The following KAZN variants were observed in gnomAD, a reference collection of about 807,000 sequenced individuals.
The protein encoded by KAZN is kazrin.
Under a neutral mutation model 87.4 loss-of-function variants are expected in KAZN, and 40 were observed. The ratio of observed to expected loss-of-function variants is 0.46; its 90% CI spans 0.36 to 0.60. The LOEUF is 0.60. Among genes scored for constraint, KAZN ranks in the 20% least tolerant of loss-of-function variants. The pLI is 0.00. For synonymous variants in KAZN, 466 were observed against 458.3 expected (o/e 1.02, Z -0.22); for missense variants, 898 against 1,073.9 (o/e 0.84, Z 2.29).
At chr1:14,979,109 G>A (rs906771573) in intron 2 of KAZN, among the ~76,000 whole-genome samples, 6 of 151,742 alleles carry the variant, frequency 4.0e-5, no homozygotes, top group South Asian at 2.1e-4. Flanking sequence ...TCACCATGTC[G>A]GCCAGGCTGG....
In KAZN at chr1:14,691,946, G is replaced by A. The variant is rs545430947; in HGVS notation, c.226+92723G>A. 9.8e-5 allele frequency among the ~76,000 whole-genome samples: 14 copies of A among 142,974 alleles called. No individual in the cohort carries two copies. In the South Asian group the frequency reaches 1.3e-3, roughly 13 times the overall value. The allele number at this position is 142,974 out of a possible 152,430, so 93.8% of individuals were successfully genotyped here. A position where few individuals can be genotyped will look rare whatever the true frequency, so the allele number is the denominator to read the frequency against. On this transcript the variant is annotated intron_variant, in intron 1 of 14. Coordinates refer to ENST00000376030, the MANE Select transcript of KAZN (RefSeq NM_201628.3). The stretch of plus-strand genomic sequence containing the variant: ...TTTCTTCCTTTTTTTTTTTTTTTAC[G>A]ATGAATTCATTTATTTTATGTATTA...
intron 1 of KAZN, among the ~76,000 whole-genome samples, chr1:14,063,623 A>C (rs775800076): frequency 2.0e-5 from 3 of 152,148 alleles, no homozygotes; most frequent in Non-Finnish European, 4.4e-5. Context: ...TTAAAAGTAC[A>C]TTACGGTGGG....
intron 1 of KAZN, among the ~76,000 whole-genome samples, chr1:13,982,427 G>T (rs956090651): frequency 1.3e-5 from 2 of 152,214 alleles, no homozygotes; most frequent in South Asian, 4.1e-4. Flanking sequence ...TGAAGCTGCC[G>T]ACTTTCGCGC....
intron 2 of KAZN, among the ~76,000 whole-genome samples, chr1:14,538,904 C>T (rs1410494153): frequency 6.6e-6 from 1 of 152,184 alleles, no homozygotes; most frequent in Non-Finnish European, 1.5e-5. Context: ...GGAATGGGGT[C>T]CTGGGTGCCC....
At chr1:14,391,074 T>G (rs1662377257) in intron 2 of KAZN, among the ~76,000 whole-genome samples, 3 of 152,184 alleles carry the variant, frequency 2.0e-5, no homozygotes, top group Admixed American at 2.0e-4. Context: ...CTGGCTGATG[T>G]GATGAACATC....
At chr1:13,948,460 T>C (rs995780087) in intron 1 of KAZN, among the ~76,000 whole-genome samples, 3 of 152,212 alleles carry the variant, frequency 2.0e-5, no homozygotes, top group African/African-American at 7.2e-5. Context: ...GATTGTCAGT[T>C]TCCTGAGGCC....
chr1:14,534,141 T>C (rs892623093), intron 2 of KAZN, among the ~76,000 whole-genome samples: 1 of 152,118 alleles, frequency 6.6e-6, no homozygotes, highest in Admixed American at 6.5e-5. Flanking sequence ...CACTCTCCCA[T>C]CCTGAATCTG....
At chr1:14,936,832 A>G (rs1309223348) in intron 1 of KAZN, among the ~76,000 whole-genome samples, 3 of 152,234 alleles carry the variant, frequency 2.0e-5, no homozygotes, top group Non-Finnish European at 4.4e-5. Context: ...GTTCATCCAC[A>G]TGGCGGGCAT....
intron 1 of KAZN, among the ~76,000 whole-genome samples, chr1:13,969,546 C>T (rs564450068): frequency 2.0e-5 from 3 of 152,278 alleles, no homozygotes; most frequent in South Asian, 4.1e-4. Flanking sequence ...GACCCTCCTA[C>T]ACCACTCTTT....
At chr1:14,285,791 A>G (rs1413672215) in intron 2 of KAZN, among the ~76,000 whole-genome samples, 2 of 152,150 alleles carry the variant, frequency 1.3e-5, no homozygotes, top group Non-Finnish European at 2.9e-5. Flanking sequence ...TTATATAGCA[A>G]ATCCTGCAAT....
At chr1:14,026,526 A>G (rs1164688284) in intron 1 of KAZN, among the ~76,000 whole-genome samples, 2 of 152,230 alleles carry the variant, frequency 1.3e-5, no homozygotes, top group African/African-American at 4.8e-5. Flanking sequence ...TACCTGAGGC[A>G]GGGCAAAGTC....
intron 1 of KAZN, among the ~76,000 whole-genome samples, chr1:14,865,187 C>T (rs1651312187): frequency 6.6e-6 from 1 of 152,150 alleles, no homozygotes. Flanking sequence ...CCGTTCTCAC[C>T]ACTAGACAAA....
intron 1 of KAZN, among the ~76,000 whole-genome samples, chr1:14,648,709 C>T (rs1464350836): frequency 3.3e-5 from 5 of 152,106 alleles, no homozygotes; most frequent in African/African-American, 4.8e-5. Flanking sequence ...TGGTTCCTTC[C>T]GTGAATACTT....
intron 1 of KAZN, among the ~76,000 whole-genome samples, chr1:13,989,158 A>T (rs1211336203): frequency 6.6e-6 from 1 of 152,122 alleles, no homozygotes; most frequent in Non-Finnish European, 1.5e-5. Flanking sequence ...TAATCCATTC[A>T]TGAAGGTTGG....
chr1:14,291,825 C>T (rs1020748784), intron 2 of KAZN, among the ~76,000 whole-genome samples: 3 of 152,140 alleles, frequency 2.0e-5, no homozygotes, highest in African/African-American at 4.8e-5. Flanking sequence ...TGGAACGAAT[C>T]GATTGATCTA....
chr1:14,268,898 C>T (rs1004530640), intron 2 of KAZN, among the ~76,000 whole-genome samples: 3 of 152,342 alleles, frequency 2.0e-5, no homozygotes, highest in Admixed American at 2.0e-4. Flanking sequence ...TCAAAGAGTA[C>T]AGTAATCCAG....
chr1:14,488,952 C>A (rs1247817527), intron 2 of KAZN, among the ~76,000 whole-genome samples: 2 of 152,220 alleles, frequency 1.3e-5, no homozygotes, highest in African/African-American at 4.8e-5. Context: ...GCCCTCAGCA[C>A]TGTGCCTTAT....
intron 1 of KAZN, among the ~76,000 whole-genome samples, chr1:14,610,790 A>C (rs1479343542): frequency 1.3e-5 from 2 of 152,124 alleles, no homozygotes; most frequent in South Asian, 4.1e-4. Context: ...TACCGGAGCC[A>C]GGATGTAGCA....
chr1:14,636,837 G>C (rs1191417008), intron 1 of KAZN, among the ~76,000 whole-genome samples: 1 of 152,184 alleles, frequency 6.6e-6, no homozygotes, highest in Non-Finnish European at 1.5e-5. Flanking sequence ...CTCCTTAGGA[G>C]GGGAGAAATA....
Sources: gnomAD v4.1 joint callset for allele counts (sites outside exome capture counted in the v4.1 genomes callset) on GRCh38, gnomAD v4.1.1 for gene constraint, MANE v1.5 for transcripts, NCBI Gene and HGNC (gene_info 2026-07-23, HGNC 2026-07-21) for gene names.